MYO10: variants seen among roughly 807,000 people sequenced by gnomAD.
MYO10 encodes the protein unconventional myosin-X.
A neutral mutation model predicts 257.3 loss-of-function variants in MYO10; 133 were observed. The ratio of observed to expected loss-of-function variants is 0.52; its 90% CI spans 0.45 to 0.60. MYO10 has a LOEUF of 0.60. Ranked by LOEUF, MYO10 falls within the 20% of genes least tolerant of loss-of-function variation. The pLI, the probability that MYO10 is intolerant of heterozygous loss-of-function variation, is 0.00. For synonymous variants in MYO10, 1,104 were observed against 1,028.6 expected (o/e 1.07, Z -1.40); for missense variants, 2,399 against 2,635.7 (o/e 0.91, Z 1.97).
intron 19 of MYO10, among the ~76,000 whole-genome samples, chr5:16,747,039 G>A (rs987801590): frequency 4.6e-5 from 7 of 152,174 alleles, no homozygotes; most frequent in African/African-American, 1.4e-4. Flanking sequence ...TACCCATTTG[G>A]AGATGGGGAT....
chr5:16,670,892 C>A lies in MYO10; in HGVS notation c.5517G>T (p.Gln1839His), dbSNP rs1293352414. 2 of 1,613,946 alleles carry A rather than the reference C, an allele frequency of 1.2e-6. No homozygotes were observed. Reference protein sequence around the residue: ...VLAALRLQYLQGDYTLHAAIP... With the variant: ...VLAALRLQYLHGDYTLHAAIP... Reference sequence around the variant, plus strand: ...TGGCAGCGTGCAGAGTATAATCCCCCTGCAGATACTGGAGTCGCAGGGCAG... The same window carrying A: ...TGGCAGCGTGCAGAGTATAATCCCCATGCAGATACTGGAGTCGCAGGGCAG... Residue 1839 changes from glutamine (Q) to histidine (H), a missense_variant, in exon 39 of 41, where the codon CAG (glutamine) becomes CAT (histidine). Coordinates refer to ENST00000513610, the MANE Select transcript of MYO10 (RefSeq NM_012334.3).
intron 19 of MYO10, among the ~76,000 whole-genome samples, chr5:16,716,469 G>A (rs1192462827): frequency 8.6e-6 from 1 of 116,376 alleles, no homozygotes; most frequent in East Asian, 3.8e-4. Flanking sequence ...GAACATTACC[G>A]AGCCTTCCAT....
intron 1 of MYO10, among the ~76,000 whole-genome samples, chr5:16,878,815 C>T (rs1159684500): frequency 6.6e-6 from 1 of 152,040 alleles, no homozygotes; most frequent in African/African-American, 2.4e-5. Flanking sequence ...ACATGATGGA[C>T]TTTGGGGACT....
chr5:16,803,372 G>A (rs1450980481), intron 3 of MYO10, among the ~76,000 whole-genome samples: 2 of 152,062 alleles, frequency 1.3e-5, no homozygotes, highest in Non-Finnish European at 2.9e-5. Context: ...AGGTTGCATT[G>A]AACCAAGATT....
At chr5:16,759,021 A>G (rs549481522) in intron 17 of MYO10, among the ~76,000 whole-genome samples, 9 of 152,052 alleles carry the variant, frequency 5.9e-5, no homozygotes, top group Non-Finnish European at 1.2e-4. Context: ...TCCCGGGTTC[A>G]AGCGATTCTC....
chr5:16,795,881 T>C (rs1048153922), intron 3 of MYO10, among the ~76,000 whole-genome samples: 1 of 152,118 alleles, frequency 6.6e-6, no homozygotes, highest in South Asian at 2.1e-4. Context: ...AAAGATAACG[T>C]GACCATTTCG....
chr5:16,819,733 T>C (rs1390151568), intron 2 of MYO10, among the ~76,000 whole-genome samples: 2 of 152,228 alleles, frequency 1.3e-5, no homozygotes, highest in South Asian at 2.1e-4. Flanking sequence ...ACAAATGGTA[T>C]GTTATTGCAA....
intron 19 of MYO10, among the ~76,000 whole-genome samples, chr5:16,718,603 CTG>C (rs1406427631): frequency 4.3e-5 from 6 of 138,794 alleles, no homozygotes; most frequent in Non-Finnish European, 9.3e-5. Context: ...AATCGGCACT[CTG>C]TATCTAGCTC....
intron 3 of MYO10, chr5:16,814,874 G>T (rs1032958126): frequency 6.6e-5 from 10 of 152,174 alleles, no homozygotes; most frequent in African/African-American, 2.4e-4. Context: ...CTTATTCATA[G>T]TATGTATTGG....
intron 1 of MYO10, among the ~76,000 whole-genome samples, chr5:16,898,074 C>A (rs1320576308): frequency 6.6e-6 from 1 of 152,116 alleles, no homozygotes. Context: ...AGGGTCCCAG[C>A]AGCTGGACCA....
In MYO10 at chr5:16,780,523, C is replaced by G; in HGVS notation, c.826+1G>C. 1 of 1,572,766 alleles carries G rather than the reference C, an allele frequency of 6.4e-7. No homozygotes were observed. Among genetic ancestry groups the G allele is most frequent in the South Asian group, 1.2e-5 (1 of 85,754 alleles). ...CATTATCCAGCTGTCGTCCCACTCA[C>G]CTCTTTCTTCATGTTCCAGCCCTGC... is the stretch of plus-strand genomic sequence containing the variant. On this transcript the variant is annotated splice_donor_variant, in intron 8 of 40. Transcript: ENST00000513610. LOFTEE classifies it high-confidence loss of function.
chr5:16,885,442 C>A (rs1378124623), intron 1 of MYO10, among the ~76,000 whole-genome samples: 1 of 152,096 alleles, frequency 6.6e-6, no homozygotes, highest in Non-Finnish European at 1.5e-5. Flanking sequence ...GAGGCCAAGG[C>A]AGGCGGATCA....
At chr5:16,727,016 C>T (rs1200669615) in intron 19 of MYO10, among the ~76,000 whole-genome samples, 1 of 152,118 alleles carries the variant, frequency 6.6e-6, no homozygotes, top group East Asian at 1.9e-4. Flanking sequence ...AAACAGGGTG[C>T]TCAACTGGTG....
chr5:16,711,610 C>T (rs568371177), intron 19 of MYO10, among the ~76,000 whole-genome samples: 54 of 152,112 alleles, frequency 3.6e-4, no homozygotes, highest in African/African-American at 1.2e-3. Flanking sequence ...GGTGAAACCC[C>T]GTCTCTACTA....
chr5:16,672,044 C>CA (rs1561167841), intron 37 of MYO10, among the ~76,000 whole-genome samples: 1 of 152,156 alleles, frequency 6.6e-6, no homozygotes, highest in Non-Finnish European at 1.5e-5. Flanking sequence ...CCTGTAATCC[C>CA]AGCACTTTGG....
intron 2 of MYO10, among the ~76,000 whole-genome samples, chr5:16,825,555 C>A (rs1386518526): frequency 1.3e-5 from 2 of 152,208 alleles, no homozygotes; most frequent in African/African-American, 4.8e-5. Flanking sequence ...CTATGACCCT[C>A]TCAGTTGACT....
chr5:16,706,903 A>G (rs540136521), intron 21 of MYO10, among the ~76,000 whole-genome samples: 75 of 152,360 alleles, frequency 4.9e-4, no homozygotes, highest in African/African-American at 1.7e-3. Flanking sequence ...ACCCTGAATT[A>G]GACAATGACA....
intron 1 of MYO10, among the ~76,000 whole-genome samples, chr5:16,899,094 C>T (rs1292117923): frequency 6.8e-6 from 1 of 146,284 alleles, no homozygotes; most frequent in Non-Finnish European, 1.5e-5. Flanking sequence ...GAGATCATGC[C>T]GCTGCACTCC....
rs376694601 is a variant in MYO10 at position 16,833,783 on chromosome 5, T to C, written c.121-15616A>G. 4.6e-4 allele frequency among the ~76,000 whole-genome samples: 70 copies of C among 152,296 alleles called. 2 individuals are homozygous for C. The South Asian group carries it at 0.013, about 29-fold the overall frequency. ...AGTTTCCTCATCTATAATATAAGAA[T>C]AATCCAAATGGCTATGTTTCTTAGT... On this transcript the variant is annotated intron_variant, in intron 2 of 40. Coordinates refer to ENST00000513610, the MANE Select transcript of MYO10 (RefSeq NM_012334.3).
Sources: allele counts gnomAD v4.1 joint callset (sites outside exome capture counted in the v4.1 genomes callset), GRCh38; gene constraint gnomAD v4.1.1; transcripts MANE v1.5; gene names NCBI Gene and HGNC (gene_info 2026-07-23, HGNC 2026-07-21).